The following ZNF385B variants were observed in gnomAD, a reference collection of about 807,000 sequenced individuals.
The protein encoded by ZNF385B is zinc finger protein 533.
Under a neutral mutation model 39.2 loss-of-function variants are expected in ZNF385B, and 23 were observed. The ratio of observed to expected loss-of-function variants is 0.59; its 90% CI spans 0.42 to 0.83. The LOEUF (loss-of-function observed/expected upper bound fraction) is 0.83. Ranked by LOEUF, ZNF385B falls within the 40% of genes least tolerant of loss-of-function variation. The pLI, the probability that ZNF385B is intolerant of heterozygous loss-of-function variation, is 0.00. For missense variants in ZNF385B, 552 were observed against 598.9 expected (o/e 0.92, Z 0.82); for synonymous variants, 205 against 222.6 (o/e 0.92, Z 0.70).
chr2:179,827,704 G>GT (rs1219621455), intron 1 of ZNF385B, among the ~76,000 whole-genome samples: 1 of 152,140 alleles, frequency 6.6e-6, no homozygotes, highest in African/African-American at 2.4e-5. Context: ...CAAAGTTGAT[G>GT]TAAACATTGC....
intron 1 of ZNF385B, among the ~76,000 whole-genome samples, chr2:179,854,706 A>C (rs557152332): frequency 3.2e-4 from 49 of 152,344 alleles, no homozygotes; most frequent in Non-Finnish European, 5.9e-4. Context: ...CACAATTTTA[A>C]CACTGGTATA....
intron 3 of ZNF385B, among the ~76,000 whole-genome samples, chr2:179,736,442 T>C (rs927821144): frequency 6.6e-6 from 1 of 152,150 alleles, no homozygotes; most frequent in African/African-American, 2.4e-5. Context: ...TACTATATGG[T>C]GATTCTTATT....
Position 179,832,906 on chromosome 2 carries a change from G to A in ZNF385B, c.-155+28195C>T, listed in dbSNP as rs1382270689. Among the ~76,000 whole-genome samples, 5 of 152,034 alleles carry A rather than the reference G, an allele frequency of 3.3e-5. No individual in the cohort carries two copies. In the South Asian group the frequency reaches 8.3e-4, roughly 25 times the overall value. ...TCAACAAGAAATGTTTTATTCATTC[G>A]AAATTCCTCTGCTTTGGGGTGAAAA... On this transcript the variant is annotated intron_variant, in intron 1 of 9. Coordinates refer to ENST00000410066, the MANE Select transcript of ZNF385B (RefSeq NM_152520.6).
At chr2:179,662,010 G>T (rs968636262) in intron 3 of ZNF385B, among the ~76,000 whole-genome samples, 4 of 152,100 alleles carry the variant, frequency 2.6e-5, no homozygotes, top group African/African-American at 9.7e-5. Context: ...CTGTGATTTG[G>T]CTTTAATAAT....
In ZNF385B at chr2:179,711,881, A is replaced by ATTT. The variant is rs747336802; in HGVS notation, c.298+57619_298+57621dup. Among the ~76,000 whole-genome samples the ATTT allele has an allele frequency of 4.3e-3, 394 of 90,918 alleles. 24 individuals are homozygous for ATTT. Among genetic ancestry groups the ATTT allele is most frequent in the African/African-American group, 0.016 (362 of 22,726 alleles). The allele number at this position is 90,918 out of a possible 152,430, so 59.6% of individuals were successfully genotyped here. A position where few individuals can be genotyped will look rare whatever the true frequency, so the allele number is the denominator to read the frequency against. ...ACTGCAAAAATGCTATATAAACTGC[A>ATTT]TTTTTTTTTTTTTTTTTTTTTTTTT... On this transcript the variant is annotated intron_variant, in intron 3 of 9. Transcript: ENST00000410066.
At chr2:179,516,148 C>T (rs2058076258) in intron 5 of ZNF385B, among the ~76,000 whole-genome samples, 2 of 152,038 alleles carry the variant, frequency 1.3e-5, no homozygotes, top group South Asian at 2.1e-4. Context: ...TTCTTTATTT[C>T]CATTGTATGG....
At chr2:179,713,987 T>C (rs1050665351) in intron 3 of ZNF385B, among the ~76,000 whole-genome samples, 2 of 152,190 alleles carry the variant, frequency 1.3e-5, no homozygotes, top group African/African-American at 2.4e-5. Context: ...TAAATACTTA[T>C]CATGTCAGGA....
chr2:179,821,638 T>C (rs961232722), intron 1 of ZNF385B, among the ~76,000 whole-genome samples: 1 of 152,132 alleles, frequency 6.6e-6, no homozygotes, highest in East Asian at 1.9e-4. Context: ...TCATTCCTTA[T>C]CTAGCCATTT....
intron 1 of ZNF385B, among the ~76,000 whole-genome samples, chr2:179,775,861 A>C (rs922076895): frequency 1.3e-5 from 2 of 152,266 alleles, no homozygotes; most frequent in Non-Finnish European, 2.9e-5. Context: ...ACTGTGACAC[A>C]GCTGCTTCTC....
Position 179,492,076 on chromosome 2 carries a change from A to G in ZNF385B, c.553-8642T>C, listed in dbSNP as rs117234842. Among the ~76,000 whole-genome samples the G allele has an allele frequency of 8.7e-4, 132 of 152,288 alleles. No individual in the cohort carries two copies. In the East Asian group the frequency reaches 0.022, roughly 25 times the overall value. Reference sequence around the variant, plus strand: ...TTTGAATTATTTTATGATTTTCCCAAAAGGATTTAAAAATAGAAATTGCCC... The same window carrying G: ...TTTGAATTATTTTATGATTTTCCCAGAAGGATTTAAAAATAGAAATTGCCC... On this transcript the variant is annotated intron_variant, in intron 5 of 9. Coordinates refer to ENST00000410066, the MANE Select transcript of ZNF385B (RefSeq NM_152520.6).
intron 3 of ZNF385B, among the ~76,000 whole-genome samples, chr2:179,609,270 C>G (rs1327536832): frequency 1.3e-5 from 2 of 152,132 alleles, no homozygotes; most frequent in African/African-American, 4.8e-5. Context: ...CTCTCTGTCT[C>G]CATGAGTTCA....
chr2:179,806,049 T>C (rs374248442), intron 1 of ZNF385B, among the ~76,000 whole-genome samples: 12 of 152,174 alleles, frequency 7.9e-5, no homozygotes, highest in African/African-American at 2.9e-4. Context: ...GCAGAAATCA[T>C]TAAGGAAGAT....
intron 6 of ZNF385B, among the ~76,000 whole-genome samples, chr2:179,460,817 T>G (rs1237942964): frequency 6.6e-6 from 1 of 152,160 alleles, no homozygotes; most frequent in Non-Finnish European, 1.5e-5. Context: ...CCTAGCCCCC[T>G]GCCCATGAAA....
intron 1 of ZNF385B, among the ~76,000 whole-genome samples, chr2:179,807,893 TGAAAGAAAGAAAGAAA>T (rs139866166): frequency 1.5e-4 from 19 of 123,632 alleles, no homozygotes; most frequent in South Asian, 5.9e-4. Context: ...AGACTCCGTC[TGAAAGAAAGAAAGAAA>T]GAAAGAAAGA....
chr2:179,811,732 C>G (rs1340378202), intron 1 of ZNF385B, among the ~76,000 whole-genome samples: 1 of 151,922 alleles, frequency 6.6e-6, no homozygotes, highest in African/African-American at 2.4e-5. Flanking sequence ...TGGACATTGG[C>G]CTTGGGAAAA....
intron 1 of ZNF385B, among the ~76,000 whole-genome samples, chr2:179,779,023 A>G (rs1033558465): frequency 2.6e-5 from 4 of 152,228 alleles, no homozygotes; most frequent in African/African-American, 9.6e-5. Flanking sequence ...TGAAATACAT[A>G]AACGTATTGG....
At chr2:179,564,247 T>C (rs1157115479) in intron 3 of ZNF385B, among the ~76,000 whole-genome samples, 1 of 152,136 alleles carries the variant, frequency 6.6e-6, no homozygotes, top group Non-Finnish European at 1.5e-5. Context: ...AGTGCAGGTA[T>C]GTACCAAGAC....
At chr2:179,667,185 G>C (rs903479858) in intron 3 of ZNF385B, among the ~76,000 whole-genome samples, 1 of 151,988 alleles carries the variant, frequency 6.6e-6, no homozygotes, top group African/African-American at 2.4e-5. Context: ...CTATTTCTGT[G>C]GATTTTTTTC....
chr2:179,581,091 T>G (rs576919231), intron 3 of ZNF385B, among the ~76,000 whole-genome samples: 1 of 152,178 alleles, frequency 6.6e-6, no homozygotes, highest in Non-Finnish European at 1.5e-5. Flanking sequence ...AAATAGATCC[T>G]TAAAGGTGCA....
Sources: allele counts gnomAD v4.1 joint callset (sites outside exome capture counted in the v4.1 genomes callset), GRCh38; gene constraint gnomAD v4.1.1; transcripts MANE v1.5; gene names NCBI Gene and HGNC (gene_info 2026-07-23, HGNC 2026-07-21).